Variants in ST6GAL1 observed in about 807,000 individuals in gnomAD.
The protein encoded by ST6GAL1 is beta-galactoside alpha-2,6-sialyltransferase 1.
ST6GAL1 carries 20 observed loss-of-function variants against 38.0 expected under a neutral mutation model. That is an observed-to-expected ratio of 0.53 (90% confidence interval 0.37 to 0.77). ST6GAL1 has a LOEUF of 0.77. ST6GAL1 is among the 30% of genes least tolerant of loss of function. The pLI is 0.00. For synonymous variants in ST6GAL1, 196 were observed against 188.2 expected (o/e 1.04, Z -0.34); for missense variants, 432 against 496.4 (o/e 0.87, Z 1.23).
chr3:186,979,329 A>G (rs1715618012), intron 2 of ST6GAL1, among the ~76,000 whole-genome samples: 1 of 152,156 alleles, frequency 6.6e-6, no homozygotes, highest in Non-Finnish European at 1.5e-5. Context: ...AAATGAGCCT[A>G]GGACCTATTG....
intron 2 of ST6GAL1, among the ~76,000 whole-genome samples, chr3:186,993,224 G>T (rs747500018): frequency 2.1e-4 from 32 of 152,352 alleles, no homozygotes; most frequent in East Asian, 9.6e-4. Context: ...CACACTGCTG[G>T]TGGGCCCTGT....
rs776815900 is a variant in ST6GAL1 at position 187,042,656 on chromosome 3, T to G, written c.-48T>G. 1 of 1,538,068 alleles carries G rather than the reference T, an allele frequency of 6.5e-7. No homozygotes were observed. The highest frequency in any genetic ancestry group is 1.3e-5 in the South Asian group (1 of 76,788). On this transcript the variant is annotated splice_region_variant and 5_prime_UTR_variant, in exon 4 of 8. Transcript: ENST00000169298. ...TTTCCTTGTCTCACTTTTTTTAGGC[T>G]TGTTTTCCTGCTCAGAACAAAGTGA...
intron 2 of ST6GAL1, among the ~76,000 whole-genome samples, chr3:186,983,109 G>A (rs1182538091): frequency 6.6e-6 from 1 of 152,166 alleles, no homozygotes; most frequent in Non-Finnish European, 1.5e-5. Flanking sequence ...TGGTAGTGAT[G>A]GTTGTATTTT....
At chr3:187,053,784 TC>T (rs1415560898) in intron 5 of ST6GAL1, among the ~76,000 whole-genome samples, 1 of 152,238 alleles carries the variant, frequency 6.6e-6, no homozygotes, top group African/African-American at 2.4e-5. Flanking sequence ...CAATGCAGGC[TC>T]TTTTTTGGTT....
At chr3:187,061,093 A>G (rs1718901165) in intron 5 of ST6GAL1, among the ~76,000 whole-genome samples, 1 of 152,216 alleles carries the variant, frequency 6.6e-6, no homozygotes, top group Admixed American at 6.5e-5. Context: ...TGATCTAGAA[A>G]GGAAATTTAA....
chr3:187,017,759 C>T (rs1012221114), intron 2 of ST6GAL1, among the ~76,000 whole-genome samples: 3 of 152,204 alleles, frequency 2.0e-5, no homozygotes, highest in Admixed American at 6.5e-5. Context: ...AGATTGATAA[C>T]ACGAAAACCA....
intron 1 of ST6GAL1, among the ~76,000 whole-genome samples, chr3:186,938,849 A>T (rs1406207426): frequency 6.6e-6 from 1 of 152,170 alleles, no homozygotes; most frequent in Non-Finnish European, 1.5e-5. Flanking sequence ...CATCCCAGAC[A>T]TCTTATCAGC....
chr3:187,031,733 C>CCG (rs1170981070), intron 2 of ST6GAL1, among the ~76,000 whole-genome samples: 1 of 152,186 alleles, frequency 6.6e-6, no homozygotes, highest in Non-Finnish European at 1.5e-5. Context: ...CAGTACCTGG[C>CCG]CGAGTGGATT....
intron 1 of ST6GAL1, among the ~76,000 whole-genome samples, chr3:186,962,108 C>T (rs999268709): frequency 6.6e-6 from 1 of 152,198 alleles, no homozygotes; most frequent in Non-Finnish European, 1.5e-5. Context: ...TCACCAGATG[C>T]CTTTGTTGTT....
At position 187,005,310 on chromosome 3, in the gene ST6GAL1, G is replaced by C. The variant is rs536302074; in HGVS notation, c.-182-33432G>C. Among the ~76,000 whole-genome samples the C allele has an allele frequency of 2.6e-5, 3 of 115,790 alleles. No individual in the cohort carries two copies. In the South Asian group the frequency reaches 8.0e-4, roughly 31 times the overall value. 76.0% of individuals were successfully genotyped at this position (115,790 alleles called of 152,430 possible). A position where few individuals can be genotyped will look rare whatever the true frequency, so the allele number is the denominator to read the frequency against. ...TTTTTTTTGAGACGGAGTCTTCGCT[G>C]TTTCGCCCAGGCTGGAGTGCAGTGG... is the stretch of plus-strand genomic sequence containing the variant. On this transcript the variant is annotated intron_variant, in intron 2 of 7. Transcript: ENST00000169298.
At chr3:187,063,270 G>A (rs1718983794) in intron 5 of ST6GAL1, among the ~76,000 whole-genome samples, 1 of 152,208 alleles carries the variant, frequency 6.6e-6, no homozygotes, top group South Asian at 2.1e-4. Flanking sequence ...GAGTCAGAGG[G>A]AAGAAGGTGC....
intron 2 of ST6GAL1, among the ~76,000 whole-genome samples, chr3:186,995,555 T>C (rs1175519147): frequency 6.7e-6 from 1 of 148,638 alleles, no homozygotes; most frequent in Non-Finnish European, 1.5e-5. Context: ...ATTGTTAAAA[T>C]GCAGGCTGTG....
intron 2 of ST6GAL1, among the ~76,000 whole-genome samples, chr3:186,993,556 T>TTTTATTTATTTA (rs71167027): frequency 3.2e-4 from 28 of 88,166 alleles, no homozygotes; most frequent in Admixed American, 1.6e-3. Flanking sequence ...CTTGACAGAG[T>TTTTATTTATTTA]TTTATTTATT....
chr3:186,943,624 A>G lies in ST6GAL1; in HGVS notation c.-325+12790A>G, dbSNP rs185037249. Among the ~76,000 whole-genome samples the G allele has an allele frequency of 4.8e-3, 735 of 151,806 alleles. 5 individuals are homozygous for G. Among genetic ancestry groups the G allele is most frequent in the Non-Finnish European group, 5.7e-3 (386 of 67,912 alleles). On this transcript the variant is annotated intron_variant, in intron 1 of 7. Transcript: ENST00000169298. ...ACTACCATGCCTGGCTAATTTTTGT[A>G]TTTTTAGTAGACATGGGGTTTCACC...
intron 2 of ST6GAL1, among the ~76,000 whole-genome samples, chr3:187,000,494 C>T (rs1579311244): frequency 6.6e-6 from 1 of 151,960 alleles, no homozygotes; most frequent in Non-Finnish European, 1.5e-5. Flanking sequence ...CCCGGGAGGC[C>T]GAGGTGGCAG....
intron 2 of ST6GAL1, among the ~76,000 whole-genome samples, chr3:187,014,305 C>T (rs563129055): frequency 1.3e-5 from 2 of 152,348 alleles, no homozygotes; most frequent in South Asian, 4.1e-4. Context: ...AATTCAGCAC[C>T]ATTCCTCCAA....
At chr3:186,931,952 G>A (rs1713771958) in intron 1 of ST6GAL1, among the ~76,000 whole-genome samples, 1 of 152,256 alleles carries the variant, frequency 6.6e-6, no homozygotes, top group Non-Finnish European at 1.5e-5. Context: ...CTTTGCAGAT[G>A]TTAATCGGAC....
At chr3:187,006,576 A>C (rs548089272) in intron 2 of ST6GAL1, 31 of 152,334 alleles carry the variant, frequency 2.0e-4, no homozygotes, top group African/African-American at 7.5e-4. Flanking sequence ...CTATTAACTC[A>C]CTTAATCTTC....
intron 1 of ST6GAL1, among the ~76,000 whole-genome samples, chr3:186,946,358 T>C (rs1714370375): frequency 6.6e-6 from 1 of 151,674 alleles, no homozygotes; most frequent in African/African-American, 2.4e-5. Context: ...TAAAATTAGC[T>C]ATTTTATTTT....
Sources: gnomAD v4.1 joint callset for allele counts (sites outside exome capture counted in the v4.1 genomes callset) on GRCh38, gnomAD v4.1.1 for gene constraint, MANE v1.5 for transcripts, NCBI Gene and HGNC (gene_info 2026-07-23, HGNC 2026-07-21) for gene names.